Variants in ENOSF1 observed in about 807,000 individuals in gnomAD.
ENOSF1 encodes the protein enolase superfamily member 1.
A neutral mutation model predicts 68.2 loss-of-function variants in ENOSF1; 73 were observed. The ratio of observed to expected loss-of-function variants is 1.07; its 90% CI spans 0.89 to 1.30. The LOEUF is 1.30. Ranked by LOEUF, ENOSF1 falls within the 50% of genes most tolerant of loss-of-function variation. The pLI, the probability that ENOSF1 is intolerant of heterozygous loss-of-function variation, is 0.00. For missense variants in ENOSF1, 589 were observed against 554.5 expected (o/e 1.06, Z -0.62); for synonymous variants, 223 against 210.4 (o/e 1.06, Z -0.52).
At chr18:684,916 A>G (rs1273762577) in intron 10 of ENOSF1, among the ~76,000 whole-genome samples, 1 of 151,954 alleles carries the variant, frequency 6.6e-6, no homozygotes, top group East Asian at 1.9e-4. Flanking sequence ...GCTGGAGTGC[A>G]GTGGTATTAT....
Position 671,699 on chromosome 18 carries a change from C to T in ENOSF1, c.*2606G>A. 2.0e-6 allele frequency: 1 copy of T among 510,638 alleles called. No individual in the cohort carries two copies. The highest frequency in any genetic ancestry group is 2.6e-5 in the South Asian group (1 of 37,796). 31.6% of individuals were successfully genotyped at this position (510,638 alleles called of 1,614,324 possible). A position where few individuals can be genotyped will look rare whatever the true frequency, so the allele number is the denominator to read the frequency against. ...ACCAGTACCAGAGAGGGAAGAGCCACATTCAAGCCAGGGGATTGTCCAAAA... is the reference window on the plus strand; with the variant it reads ...ACCAGTACCAGAGAGGGAAGAGCCATATTCAAGCCAGGGGATTGTCCAAAA... On this transcript the variant is annotated 3_prime_UTR_variant, in exon 16 of 16. Transcript: ENST00000647584.
chr18:707,984 C>G (rs1487677758), intron 1 of ENOSF1, among the ~76,000 whole-genome samples: 1 of 151,346 alleles, frequency 6.6e-6, no homozygotes, highest in Non-Finnish European at 1.5e-5. Flanking sequence ...CTCAGCCTCC[C>G]AAGTAGCTGG....
At position 670,739 on chromosome 18, in the gene ENOSF1, T is replaced by G; in HGVS notation, c.*3566A>C. On this transcript the variant is annotated 3_prime_UTR_variant, in exon 16 of 16. Transcript: ENST00000647584. ...TCCATGCCATGCCCTCTGCCAGTTCTATGTGGTGAACAGTGAGCTGTCCTG... is the reference window on the plus strand; with the variant it reads ...TCCATGCCATGCCCTCTGCCAGTTCGATGTGGTGAACAGTGAGCTGTCCTG... 6.2e-7 allele frequency: 1 copy of G among 1,614,224 alleles called. No individual in the cohort carries two copies. The highest frequency in any genetic ancestry group is 8.5e-7 in the Non-Finnish European group (1 of 1,180,040).
At chr18:698,142 C>T (rs1051472190) in intron 2 of ENOSF1, among the ~76,000 whole-genome samples, 13 of 152,184 alleles carry the variant, frequency 8.5e-5, no homozygotes, top group Non-Finnish European at 1.5e-4. Flanking sequence ...AAGTAGAACA[C>T]GTGTTAATCC....
intron 1 of ENOSF1, 88 bp downstream of exon 1, chr18:712,416 T>G (rs1008565751): frequency 2.5e-5 from 16 of 638,584 alleles, no homozygotes; most frequent in Non-Finnish European, 4.4e-5. Context: ...GCGCTTACCA[T>G]GGCGTCCGCG....
At chr18:684,067 CA>C (rs943189559) in intron 10 of ENOSF1, among the ~76,000 whole-genome samples, 5 of 151,600 alleles carry the variant, frequency 3.3e-5, no homozygotes, top group African/African-American at 4.8e-5. Flanking sequence ...TATCTCGGCT[CA>C]CTGCAACCTC....
At chr18:669,285 C>A, downstream of ENOSF1, 1 of 793,060 alleles carries the variant, frequency 1.3e-6, no homozygotes, top group Non-Finnish European at 2.0e-6. Flanking sequence ...CTTCCCCCAG[C>A]CACATGGTTG....
Position 688,753 on chromosome 18 carries a change from A to C in ENOSF1, c.619-145T>G. 1.0e-5 allele frequency: 7 copies of C among 698,262 alleles called. No homozygotes were observed. The South Asian group carries it at 1.3e-4, about 13-fold the overall frequency. The allele number at this position is 698,262 out of a possible 1,614,324, so 43.3% of individuals were successfully genotyped here. On this transcript the variant is annotated intron_variant, in intron 8 of 15. Transcript: ENST00000647584. The stretch of plus-strand genomic sequence containing the variant: ...CATGTGTTGTTGAAATTAACAGCAG[A>C]AACAGCCTGGCTGACAGAGATCACT...
At chr18:710,680 A>G (rs765829976) in intron 1 of ENOSF1, among the ~76,000 whole-genome samples, 5 of 152,216 alleles carry the variant, frequency 3.3e-5, no homozygotes, top group South Asian at 2.1e-4. Context: ...CCTATAGCCA[A>G]CTTTACTGAC....
chr18:687,475 C>T (rs2076720482), intron 9 of ENOSF1: 1 of 152,186 alleles, frequency 6.6e-6, no homozygotes, highest in African/African-American at 2.4e-5. Context: ...AGCTCCTGCT[C>T]CACAGGACAC....
At position 677,802 on chromosome 18, in the gene ENOSF1, C is replaced by A. The variant is rs1372977663; in HGVS notation, c.989G>T (p.Cys330Phe). Residue 330 changes from cysteine to phenylalanine, a missense_variant, in exon 13 of 16, where the codon TGC becomes TTC. Physicochemically the swap from Cys to Phe is radical, Grantham distance 205. Coordinates refer to ENST00000647584, the MANE Select transcript of ENOSF1 (RefSeq NM_017512.7). ...GTTCTCATTGACACTGCCCAGTCTG[C>A]AACTGTCAATCTGGAGGAACTGCAG... is the stretch of plus-strand genomic sequence containing the variant. ...KALQFLQIDS[C>F]RLGSVNENLS... 2 of 1,614,144 alleles carry A rather than the reference C, an allele frequency of 1.2e-6. No homozygotes were observed. Among genetic ancestry groups the A allele is most frequent in the Non-Finnish European group, 1.7e-6 (2 of 1,179,998 alleles).
rs369075215 is a variant in ENOSF1 at position 683,359 on chromosome 18, A to G, written c.763T>C (p.Trp255Arg). 1.9e-6 allele frequency: 3 copies of G among 1,614,124 alleles called. No individual in the cohort carries two copies. The South Asian group carries it at 3.3e-5, about 18-fold the overall frequency. Residue 255 changes from tryptophan to arginine, a missense_variant, in exon 11 of 16, where the codon TGG (tryptophan) becomes CGG (arginine). Transcript: ENST00000647584. ...KTLMMDANQR[W>R]DVPEAVEWMS... ...CACTCCACCGCCTCAGGCACATCCC[A>G]GCGCTGGTTGGCATCCATCATCTGC... is the stretch of plus-strand genomic sequence containing the variant.
Position 678,732 on chromosome 18 carries a change from C to A in ENOSF1, c.882G>T (p.Leu294=), listed in dbSNP as rs1568021664. Residue 294 remains leucine, a synonymous_variant, in exon 12 of 16, where the codon CTG becomes CTT. Coordinates refer to ENST00000647584, the MANE Select transcript of ENOSF1 (RefSeq NM_017512.7). ...ILGHATISKA[L]VPLGIGIATG... is the part of the protein sequence containing the mutation. Reference sequence around the variant, plus strand: ...TGGCAATGCCAATTCCTAATGGGACCAGTGCCTATAAAATAGAAGGCAGCC... The same window carrying A: ...TGGCAATGCCAATTCCTAATGGGACAAGTGCCTATAAAATAGAAGGCAGCC... The A allele has an allele frequency of 6.2e-7, 1 of 1,614,194 alleles. No homozygotes were observed. Among genetic ancestry groups the A allele is most frequent in the South Asian group, 1.1e-5 (1 of 91,084 alleles).
Position 673,710 on chromosome 18 carries a change from G to GTT in ENOSF1, c.*593_*594dup, listed in dbSNP as rs10610259. ...AAATATAATGACCATTTAGGATAGA[G>GTT]TTTTTTTTTTTTTTTTTTAAACTTT... On this transcript the variant is annotated 3_prime_UTR_variant, in exon 16 of 16. Transcript: ENST00000647584. 36 of 138,780 alleles carry GTT rather than the reference G, an allele frequency of 2.6e-4. No homozygotes were observed. Among genetic ancestry groups the GTT allele is most frequent in the Non-Finnish European group, 3.8e-4 (24 of 63,812 alleles). 8.6% of individuals were successfully genotyped at this position (138,780 alleles called of 1,614,324 possible).
chr18:664,474 T>C, the ENOSF1 span, among the ~76,000 whole-genome samples: 1 of 142,654 alleles, frequency 7.0e-6, no homozygotes, highest in African/African-American at 2.8e-5. Context: ...CAGGGACAAT[T>C]TGACTTCCTC....
rs1179155706 is a variant in ENOSF1, at chr18:706,562, T to C, written c.101A>G (p.Tyr34Cys). ...GADAMHTDPD[Y>C]SAAYVVIETD... is the part of the protein sequence containing the mutation. ...TTCTATGACGACATAGGCAGCCGAG[T>C]AGTCAGGGTCCGTGTGCTGCAGGAG... The change falls in exon 2 of 16, where the codon TAC becomes TGC. Residue 34 changes from tyrosine (Y) to cysteine (C), a missense_variant. Tyr to Cys is a radical substitution (Grantham distance 194). Coordinates refer to ENST00000647584, the MANE Select transcript of ENOSF1 (RefSeq NM_017512.7). The C allele has an allele frequency of 4.3e-6, 7 of 1,613,386 alleles. No individual in the cohort carries two copies. Among genetic ancestry groups the C allele is most frequent in the Non-Finnish European group, 5.9e-6 (7 of 1,179,694 alleles).
rs372414785 is a variant in ENOSF1, at chr18:683,367, T to C, written c.755A>G (p.Asn252Ser). Residue 252 changes from asparagine (N) to serine (S), a missense_variant, in exon 11 of 16, where the codon AAC becomes AGC. Transcript: ENST00000647584. ...GPEKTLMMDA[N>S]QRWDVPEAVE... ...CGCCTCAGGCACATCCCAGCGCTGG[T>C]TGGCATCCATCATCTGCAAAAAGAG... 6.4e-5 allele frequency: 104 copies of C among 1,614,008 alleles called. No individual in the cohort carries two copies. The highest frequency in any genetic ancestry group is 5.1e-4 in the East Asian group (23 of 44,842).
Position 685,957 on chromosome 18 carries a change from T to G in ENOSF1, c.705A>C (p.Gln235His), listed in dbSNP as rs139825033. The G allele has an allele frequency of 2.5e-4, 410 of 1,614,162 alleles. 1 individual carries two copies. The African/African-American group carries it at 5.0e-3, about 20-fold the overall frequency. ...ADLQDDMRRC[Q>H]IIRDMIGPEK... ...CCGGTCCAATCATGTCTCGGATGATTTGGCATCTTCGCATGTCATCCTGGA... is the reference window on the plus strand; with the variant it reads ...CCGGTCCAATCATGTCTCGGATGATGTGGCATCTTCGCATGTCATCCTGGA... Residue 235 changes from glutamine to histidine, a missense_variant, in exon 10 of 16, where the codon CAA (glutamine) becomes CAC (histidine). Coordinates refer to ENST00000647584, the MANE Select transcript of ENOSF1 (RefSeq NM_017512.7).
At chr18:681,540 G>GT (rs2144702876) in intron 11 of ENOSF1, among the ~76,000 whole-genome samples, 1 of 152,290 alleles carries the variant, frequency 6.6e-6, no homozygotes, top group African/African-American at 2.4e-5. Context: ...GAAAAGTCTT[G>GT]TTTCCCCGGG....
Sources: allele counts gnomAD v4.1 joint callset (sites outside exome capture counted in the v4.1 genomes callset), GRCh38; gene constraint gnomAD v4.1.1; transcripts MANE v1.5; gene names NCBI Gene and HGNC (gene_info 2026-07-23, HGNC 2026-07-21).